BRAF: variants seen among roughly 807,000 people sequenced by gnomAD.
BRAF encodes the protein B-Raf proto-oncogene, serine/threonine kinase.
Under a neutral mutation model 104.6 loss-of-function variants are expected in BRAF, and 16 were observed. The ratio of observed to expected loss-of-function variants is 0.15; its 90% confidence interval spans 0.10 to 0.23. The LOEUF (loss-of-function observed/expected upper bound fraction) is 0.23, where lower values mean the gene tolerates loss of function less well. Ranked by LOEUF, BRAF falls within the 10% of genes least tolerant of loss-of-function variation. BRAF has a pLI of 1.00. For missense variants in BRAF, 541 were observed against 937.3 expected (o/e 0.58, Z 5.52); for synonymous variants, 310 against 341.6 (o/e 0.91, Z 1.02).
chr7:140,909,357 G>A (rs903672727), intron 1 of BRAF, among the ~76,000 whole-genome samples: 1 of 152,116 alleles, frequency 6.6e-6, no homozygotes, highest in African/African-American at 2.4e-5. Context: ...CCCGGGAGGC[G>A]AAGGTTTTGG....
At position 140,800,466 on chromosome 7, in the gene BRAF, G is replaced by A. The variant is rs1554403310; in HGVS notation, c.876C>T (p.Ser292=). 3.1e-6 allele frequency: 5 copies of A among 1,614,108 alleles called. No individual in the cohort carries two copies. In the Admixed American group the frequency reaches 5.0e-5, roughly 16 times the overall value. The part of the protein sequence containing the change: ...NYDQLDLLFV[S]KFFEHHPIPQ... ...GTATTGGGTGGTGTTCAAAGAACTT[G>A]GAGACAAACAGCAAACTGTGAGGCA... The change falls in exon 7 of 20, where the codon TCC becomes TCT. Residue 292 remains serine (S), a synonymous_variant. Transcript: ENST00000644969.
chr7:140,783,326 A>G (rs1431719415), intron 10 of BRAF, 169 bp from the exon 10 acceptor site: 3 of 731,556 alleles, frequency 4.1e-6, no homozygotes, highest in Admixed American at 3.0e-5. Context: ...TGGTGATTAC[A>G]ACTATAATTT....
At chr7:140,767,149 A>G (rs1348900785) in intron 14 of BRAF, among the ~76,000 whole-genome samples, 1 of 152,016 alleles carries the variant, frequency 6.6e-6, no homozygotes, top group African/African-American at 2.4e-5. Context: ...GACCACAGGC[A>G]CAGACCACCA....
intron 17 of BRAF, chr7:140,741,762 A>G (rs1374379484): frequency 6.6e-6 from 1 of 152,132 alleles, no homozygotes; most frequent in Non-Finnish European, 1.5e-5. Context: ...GTTCAAGACC[A>G]GCCTGGCCAA....
chr7:140,781,801 C>T (rs1800903595), intron 11 of BRAF, 108 bp from the exon 11 acceptor site: 1 of 875,218 alleles, frequency 1.1e-6, no homozygotes, highest in South Asian at 1.4e-5. Context: ...AGGAAGAGAT[C>T]CCCTTAAGAA....
intron 14 of BRAF, among the ~76,000 whole-genome samples, chr7:140,763,824 G>C (rs1402412836): frequency 6.6e-6 from 1 of 152,132 alleles, no homozygotes; most frequent in East Asian, 1.9e-4. Context: ...CAACCAAAAA[G>C]AGTCCAGGAC....
intron 2 of BRAF, among the ~76,000 whole-genome samples, chr7:140,843,708 T>G (rs1239295913): frequency 6.6e-6 from 1 of 152,164 alleles, no homozygotes; most frequent in East Asian, 1.9e-4. Flanking sequence ...TATACATATA[T>G]TTTTAAAAAT....
intron 14 of BRAF, among the ~76,000 whole-genome samples, chr7:140,763,511 G>GT (rs2129008224): frequency 6.6e-6 from 1 of 152,322 alleles, no homozygotes; most frequent in South Asian, 2.1e-4. Flanking sequence ...CCAGGAGCTG[G>GT]TTTTTTGAAA....
intron 14 of BRAF, among the ~76,000 whole-genome samples, chr7:140,762,446 C>T (rs1268676398): frequency 1.3e-5 from 2 of 152,004 alleles, no homozygotes; most frequent in African/African-American, 2.4e-5. Flanking sequence ...AGGAAAGATC[C>T]AAAATTGCCA....
Position 140,753,408 on chromosome 7 carries a change from G to T in BRAF, c.1862-15C>A. On this transcript the variant is annotated splice_polypyrimidine_tract_variant and intron_variant, in intron 15 of 19. Coordinates refer to ENST00000644969, the MANE Select transcript of BRAF (RefSeq NM_001374258.1). ...AAGAAATATATCTGAGGTGTAGTAAGTAAAGGAAAACAGTAGATCTCATTT... is the reference window on the plus strand; with the variant it reads ...AAGAAATATATCTGAGGTGTAGTAATTAAAGGAAAACAGTAGATCTCATTT... 1 of 1,516,240 alleles carries T rather than the reference G, an allele frequency of 6.6e-7. No individual in the cohort carries two copies. Among genetic ancestry groups the T allele is most frequent in the Non-Finnish European group, 9.2e-7 (1 of 1,091,738 alleles). 93.9% of individuals were successfully genotyped at this position (1,516,240 alleles called of 1,614,324 possible).
intron 14 of BRAF, among the ~76,000 whole-genome samples, chr7:140,758,916 T>C (rs1562944205): frequency 6.6e-6 from 1 of 152,200 alleles, no homozygotes; most frequent in Non-Finnish European, 1.5e-5. Context: ...TCTTCATACA[T>C]TTTTGCGATT....
In BRAF at chr7:140,754,226, G is replaced by A. The variant is rs2128999704; in HGVS notation, c.1822C>T (p.His608Tyr). The A allele has an allele frequency of 6.2e-7, 1 of 1,613,662 alleles. No homozygotes were observed. Among genetic ancestry groups the A allele is most frequent in the Non-Finnish European group, 8.5e-7 (1 of 1,179,660 alleles). The change falls in exon 15 of 20, where the codon CAC (histidine) becomes TAC (tyrosine). Residue 608 changes from histidine (H) to tyrosine (Y), a missense_variant. Physicochemically the swap from His to Tyr is moderately conservative, Grantham distance 83 (BLOSUM62 2). Coordinates refer to ENST00000644969, the MANE Select transcript of BRAF (RefSeq NM_001374258.1). ...TCTCTGTGGATGATTGACTTGGCGT[G>A]TAAGTAACTGAAAAACAAAACATCA... The part of the protein sequence containing the change: ...RQTAQGMDYL[H>Y]AKSIIHRDLK...
At chr7:140,731,717 T>C (rs1165288399) in intron 19 of BRAF, 1 of 152,176 alleles carries the variant, frequency 6.6e-6, no homozygotes, top group Non-Finnish European at 1.5e-5. Context: ...AAATGGCTAG[T>C]GTAATACCTG....
intron 1 of BRAF, among the ~76,000 whole-genome samples, chr7:140,860,198 T>C (rs1586437297): frequency 6.6e-6 from 1 of 152,226 alleles, no homozygotes; most frequent in Non-Finnish European, 1.5e-5. Flanking sequence ...ATTGGCATTA[T>C]AATTTAGTGG....
At chr7:140,884,410 TCTTA>T (rs1813288315) in intron 1 of BRAF, among the ~76,000 whole-genome samples, 1 of 149,140 alleles carries the variant, frequency 6.7e-6, no homozygotes, top group South Asian at 2.1e-4. Flanking sequence ...TTTCAGGATC[TCTTA>T]TATATATATA....
intron 14 of BRAF, among the ~76,000 whole-genome samples, chr7:140,766,555 TAAGA>T (rs1799346435): frequency 6.7e-6 from 1 of 149,530 alleles, no homozygotes; most frequent in Non-Finnish European, 1.5e-5. Flanking sequence ...CAAATGTGCA[TAAGA>T]AAGATGTTTC....
At chr7:140,741,102 T>C (rs948793390) in intron 17 of BRAF, 1 of 152,152 alleles carries the variant, frequency 6.6e-6, no homozygotes, top group African/African-American at 2.4e-5. Flanking sequence ...GATCTGGAGT[T>C]CCTATAGTCA....
Position 140,770,527 on chromosome 7 carries a change from C to CAAAAAAAAA in BRAF, c.1814+6376_1814+6384dup, listed in dbSNP as rs35621209. Among the ~76,000 whole-genome samples the CAAAAAAAAA allele has an allele frequency of 3.1e-5, 2 of 63,586 alleles. 1 individual carries two copies. 41.7% of individuals were successfully genotyped at this position (63,586 alleles called of 152,430 possible). A position where few individuals can be genotyped will look rare whatever the true frequency, so the allele number is the denominator to read the frequency against. On this transcript the variant is annotated intron_variant, in intron 14 of 19. Coordinates refer to ENST00000644969, the MANE Select transcript of BRAF (RefSeq NM_001374258.1). Reference sequence around the variant, plus strand: ...ATTATACTGAAATTATAAGGCCTGCCAAAAAAAAAAAAAAAAAAAGGCACA... The same window carrying CAAAAAAAAA: ...ATTATACTGAAATTATAAGGCCTGCCAAAAAAAAAAAAAAAAAAAAAAAAAAAAGGCACA...
chr7:140,924,663 G>T lies in BRAF; in HGVS notation c.41C>A (p.Pro14Gln). Reference sequence around the variant, plus strand: ...GTCCCCGTTGAACAGAGCCTGGCCCGGCTCCGCGCCGCCACCACCGCCACC... The same window carrying T: ...GTCCCCGTTGAACAGAGCCTGGCCCTGCTCCGCGCCGCCACCACCGCCACC... ...LSGGGGGGAEPGQALFNGDME... is the reference protein window; with the variant it reads ...LSGGGGGGAEQGQALFNGDME... The change falls in exon 1 of 20, where the codon CCG (proline) becomes CAG (glutamine). Residue 14 changes from proline (P) to glutamine (Q), a missense_variant. By Grantham distance (76) the Pro-to-Gln change is moderately conservative. This residue lies in a region of BRAF where 82 missense variants were observed against 65.9 expected (regional missense o/e 1.24). Coordinates refer to ENST00000644969, the MANE Select transcript of BRAF (RefSeq NM_001374258.1). This position sits in a 1 kb window ranked among gnomAD's most constrained non-coding sequence, Gnocchi z 4.2. 1 of 1,354,266 alleles carries T rather than the reference G, an allele frequency of 7.4e-7. No homozygotes were observed. The highest frequency in any genetic ancestry group is 2.5e-4 in the Middle Eastern group (1 of 4,048). 83.9% of individuals were successfully genotyped at this position (1,354,266 alleles called of 1,614,324 possible).
Sources: allele counts gnomAD v4.1 joint callset (sites outside exome capture counted in the v4.1 genomes callset), GRCh38; gene constraint gnomAD v4.1.1; regional missense constraint gnomAD v4.1.1; non-coding constraint Gnocchi (gnomAD v3.1); transcripts MANE v1.5; gene names NCBI Gene and HGNC (gene_info 2026-07-23, HGNC 2026-07-21).